ATXN2: variants seen among roughly 807,000 people sequenced by gnomAD.
ATXN2 encodes the protein ataxin-2.
In ATXN2, 37 loss-of-function variants were observed where a neutral mutation model predicts 138.6. That is an observed-to-expected ratio of 0.27 (90% confidence interval 0.21 to 0.35). ATXN2 has a LOEUF of 0.35. Among genes scored for constraint, ATXN2 ranks in the 10% least tolerant of loss-of-function variants. The probability of loss-of-function intolerance (pLI) is 1.00; values close to 1 mark genes in which losing one functional copy is unlikely to be tolerated. For synonymous variants in ATXN2, 549 were observed against 543.7 expected (o/e 1.01, Z -0.13); for missense variants, 1,216 against 1,480.3 (o/e 0.82, Z 2.93).
chr12:111,588,469 A>C (rs1352373531), intron 1 of ATXN2, among the ~76,000 whole-genome samples: 1 of 151,928 alleles, frequency 6.6e-6, no homozygotes, highest in Non-Finnish European at 1.5e-5. Flanking sequence ...CTAAAATACA[A>C]AAATTAGCCA....
chr12:111,584,332 A>G (rs1884191154), intron 1 of ATXN2, among the ~76,000 whole-genome samples: 1 of 133,070 alleles, frequency 7.5e-6, no homozygotes. Flanking sequence ...CAGTGAGCCG[A>G]GACTGCACCA....
At chr12:111,596,872 A>T (rs1884964535) in intron 1 of ATXN2, among the ~76,000 whole-genome samples, 1 of 152,180 alleles carries the variant, frequency 6.6e-6, no homozygotes, top group African/African-American at 2.4e-5. Flanking sequence ...ATTCTCTTAT[A>T]ATCTAATTTT....
chr12:111,455,233 C>T (rs895282251), intron 23 of ATXN2: 1 of 669,054 alleles, frequency 1.5e-6, no homozygotes, highest in Non-Finnish European at 2.8e-6. Context: ...CCGTAACAGC[C>T]CCAGGGAGGG....
intron 14 of ATXN2, among the ~76,000 whole-genome samples, chr12:111,499,716 C>T (rs1878633802): frequency 6.6e-6 from 1 of 151,804 alleles, no homozygotes; most frequent in South Asian, 2.1e-4. Context: ...CATACAAGGC[C>T]AGGTGCAGTG....
intron 14 of ATXN2, among the ~76,000 whole-genome samples, chr12:111,490,838 G>A (rs1180746417): frequency 2.0e-5 from 3 of 152,092 alleles, no homozygotes; most frequent in African/African-American, 7.2e-5. Context: ...GTGGGATTTT[G>A]CATTGAAACT....
chr12:111,469,250 C>T (rs1027199210), intron 20 of ATXN2: 1 of 152,110 alleles, frequency 6.6e-6, no homozygotes. Context: ...AACGACACTA[C>T]GGTAGTTCTC....
intron 1 of ATXN2, chr12:111,597,916 C>T: frequency 8.6e-6 from 11 of 1,273,326 alleles, no homozygotes; most frequent in Non-Finnish European, 1.1e-5. Context: ...CCTCACCCAC[C>T]GATGTTCCAC....
At chr12:111,567,750 G>A (rs903669180) in intron 1 of ATXN2, among the ~76,000 whole-genome samples, 1 of 151,914 alleles carries the variant, frequency 6.6e-6, no homozygotes, top group Admixed American at 6.6e-5. Flanking sequence ...GGAGGCAGAG[G>A]TTGCAGTGGG....
At chr12:111,498,989 A>G (rs996449611) in intron 14 of ATXN2, among the ~76,000 whole-genome samples, 55 of 152,186 alleles carry the variant, frequency 3.6e-4, no homozygotes, top group African/African-American at 1.3e-3. Context: ...AAAACTGGAT[A>G]TCCATATGCA....
At chr12:111,555,777 A>G in intron 2 of ATXN2, 106 bp downstream of exon 2, 1 of 951,132 alleles carries the variant, frequency 1.1e-6, no homozygotes, top group Non-Finnish European at 1.6e-6. Flanking sequence ...GTTATCTATG[A>G]CAAAATTCAA....
In ATXN2 at chr12:111,453,401, C is replaced by A. The variant is rs1401033765; in HGVS notation, c.3439+276G>T. The A allele has an allele frequency of 8.4e-7, 1 of 1,192,938 alleles. No homozygotes were observed. Among genetic ancestry groups the A allele is most frequent in the Non-Finnish European group, 1.0e-6 (1 of 961,866 alleles). 73.9% of individuals were successfully genotyped at this position (1,192,938 alleles called of 1,614,324 possible). The stretch of plus-strand genomic sequence containing the variant: ...AGCCTGTCATAACAAGGAAGGCCAA[C>A]TGAGTCCTAGGCATGCATCAGGCTG... On this transcript the variant is annotated intron_variant, in intron 24 of 24. Transcript: ENST00000673436. The surrounding 1 kb of genome is among the most constrained non-coding windows in gnomAD (Gnocchi z 5.4).
chr12:111,514,325 CT>C (rs918836136), intron 10 of ATXN2, among the ~76,000 whole-genome samples: 2 of 152,150 alleles, frequency 1.3e-5, no homozygotes, highest in Non-Finnish European at 2.9e-5. Flanking sequence ...AGTGACTACT[CT>C]TTCTAAATCA....
In ATXN2 at chr12:111,516,294, T is replaced by C; in HGVS notation, c.1235A>G (p.Asn412Ser). Residue 412 changes from asparagine (N) to serine (S), a missense_variant, in exon 10 of 25, where the codon AAC becomes AGC. Asn to Ser is a conservative substitution (Grantham distance 46). Coordinates refer to ENST00000673436, the MANE Select transcript of ATXN2 (RefSeq NM_001372574.1). The surrounding 1 kb of genome is among the most constrained non-coding windows in gnomAD (Gnocchi z 5.0). ...RPPSRYQSGP[N>S]SLPPRAATPT... Reference sequence around the variant, plus strand: ...GGTGGCTGCCCGAGGTGGAAGAGAGTTGGGACCTGACTGGTAGCGAGAAGG... The same window carrying C: ...GGTGGCTGCCCGAGGTGGAAGAGAGCTGGGACCTGACTGGTAGCGAGAAGG... 1 of 1,579,896 alleles carries C rather than the reference T, an allele frequency of 6.3e-7. No homozygotes were observed. The highest frequency in any genetic ancestry group is 8.6e-7 in the Non-Finnish European group (1 of 1,168,220).
chr12:111,532,144 A>T (rs1321557250), intron 5 of ATXN2, among the ~76,000 whole-genome samples: 1 of 152,166 alleles, frequency 6.6e-6, no homozygotes, highest in Non-Finnish European at 1.5e-5. Flanking sequence ...TGAGCCCACA[A>T]GTTCAAGGCC....
At chr12:111,469,902 A>G (rs2135673117) in intron 20 of ATXN2, 1 of 523,732 alleles carries the variant, frequency 1.9e-6, no homozygotes, top group Non-Finnish European at 3.3e-6. Context: ...AGCAGGAAAG[A>G]GATCTGAAGA....
chr12:111,587,348 T>C (rs1280605978), intron 1 of ATXN2, among the ~76,000 whole-genome samples: 1 of 152,062 alleles, frequency 6.6e-6, no homozygotes, highest in African/African-American at 2.4e-5. Flanking sequence ...AAAAGCAATA[T>C]GAAAAACGTC....
Position 111,485,255 on chromosome 12 carries a change from T to C in ATXN2, c.2524+10A>G. ...AAACTACAAGCAAACACAGGCAGGA[T>C]TATTCTCACCTTTACCTGCTCTATA... On this transcript the variant is annotated intron_variant, in intron 18 of 24. Coordinates refer to ENST00000673436, the MANE Select transcript of ATXN2 (RefSeq NM_001372574.1). The C allele has an allele frequency of 1.2e-6, 2 of 1,607,104 alleles. No homozygotes were observed. Among genetic ancestry groups the C allele is most frequent in the Non-Finnish European group, 1.7e-6 (2 of 1,174,986 alleles).
At chr12:111,456,769 A>G (rs530886374) in intron 22 of ATXN2, among the ~76,000 whole-genome samples, 2 of 151,938 alleles carry the variant, frequency 1.3e-5, no homozygotes, top group South Asian at 4.2e-4. Flanking sequence ...TATTTTTTTG[A>G]GACAGAGTCT....
intron 1 of ATXN2, among the ~76,000 whole-genome samples, chr12:111,559,477 T>TA (rs1279143484): frequency 6.6e-6 from 1 of 151,318 alleles, no homozygotes; most frequent in Admixed American, 6.6e-5. Flanking sequence ...AAAATACATA[T>TA]AAAAGCAATG....
Sources: allele counts gnomAD v4.1 joint callset (sites outside exome capture counted in the v4.1 genomes callset), GRCh38; gene constraint gnomAD v4.1.1; non-coding constraint Gnocchi (gnomAD v3.1); transcripts MANE v1.5; gene names NCBI Gene and HGNC (gene_info 2026-07-23, HGNC 2026-07-21).